PRTG: variants seen among roughly 807,000 people sequenced by gnomAD.
PRTG encodes protogenin.
A neutral mutation model predicts 122.5 loss-of-function variants in PRTG; 67 were observed. That is an observed-to-expected ratio of 0.55 (90% CI 0.45 to 0.67). PRTG has a LOEUF of 0.67. PRTG is among the 30% of genes least tolerant of loss of function. The probability of loss-of-function intolerance (pLI) is 0.00; values close to 1 mark genes in which losing one functional copy is unlikely to be tolerated. For synonymous variants in PRTG, 554 were observed against 501.1 expected (o/e 1.11, Z -1.41); for missense variants, 1,435 against 1,415.4 (o/e 1.01, Z -0.22).
chr15:55,622,564 TA>T (rs57139804), intron 18 of PRTG, among the ~76,000 whole-genome samples: 142,695 of 148,302 alleles, frequency 0.96, 68,793 homozygotes, highest in South Asian at 1. Context: ...TTTTTTTTTT[TA>T]AATTTTTAGT....
intron 4 of PRTG, among the ~76,000 whole-genome samples, chr15:55,681,057 T>A (rs1034128675): frequency 6.6e-6 from 1 of 152,184 alleles, no homozygotes; most frequent in African/African-American, 2.4e-5. Flanking sequence ...GGTTCACCCA[T>A]GTTGTTACAT....
intron 2 of PRTG, among the ~76,000 whole-genome samples, chr15:55,705,647 G>A (rs2141846122): frequency 6.6e-6 from 1 of 151,676 alleles, no homozygotes; most frequent in African/African-American, 2.4e-5. Context: ...GTAGAGTTGG[G>A]GTTTCACCAT....
intron 11 of PRTG, among the ~76,000 whole-genome samples, chr15:55,648,316 G>A (rs1351828138): frequency 6.6e-6 from 1 of 152,048 alleles, no homozygotes; most frequent in Non-Finnish European, 1.5e-5. Context: ...CAAGACAAAG[G>A]CCTATAAAAT....
intron 2 of PRTG, among the ~76,000 whole-genome samples, chr15:55,701,490 C>T (rs1354565427): frequency 4.6e-5 from 7 of 152,084 alleles, no homozygotes; most frequent in East Asian, 1.9e-4. Flanking sequence ...GCCGAGATCA[C>T]GCCACTGCAC....
intron 2 of PRTG, among the ~76,000 whole-genome samples, chr15:55,731,986 GCTACAAAC>G (rs1180645561): frequency 6.6e-6 from 1 of 152,116 alleles, no homozygotes; most frequent in Non-Finnish European, 1.5e-5. Context: ...TCGCTCCTAG[GCTACAAAC>G]CTGTGCAGCA....
chr15:55,676,912 TCAAAGTACA>T (rs2059505928), intron 8 of PRTG, among the ~76,000 whole-genome samples: 1 of 152,144 alleles, frequency 6.6e-6, no homozygotes, highest in Non-Finnish European at 1.5e-5. Flanking sequence ...AAACCCTACT[TCAAAGTACA>T]AAAAACAAAT....
At chr15:55,709,965 G>A (rs971918665) in intron 2 of PRTG, among the ~76,000 whole-genome samples, 13 of 152,128 alleles carry the variant, frequency 8.5e-5, no homozygotes, top group African/African-American at 2.7e-4. Flanking sequence ...AACAAAGTGT[G>A]CACTTCAAAT....
At chr15:55,742,306 A>T (rs2031633906) in intron 1 of PRTG, 1 of 152,484 alleles carries the variant, frequency 6.6e-6, no homozygotes, top group Non-Finnish European at 1.5e-5. Context: ...GATTGGGGTT[A>T]TGAGTTCACC....
In PRTG at chr15:55,708,799, C is replaced by CT. The variant is rs557562696; in HGVS notation, c.398-24869dup. On this transcript the variant is annotated intron_variant, in intron 2 of 19. Transcript: ENST00000389286. ...TGATTCCTACTGAGGCTGTGATATA[C>CT]TTTTTTTTAAGTCCTTAGTTATCTG... Among the ~76,000 whole-genome samples, 128 of 151,858 alleles carry CT rather than the reference C, an allele frequency of 8.4e-4. 1 individual carries two copies. Among genetic ancestry groups the CT allele is most frequent in the African/African-American group, 3.0e-3 (123 of 41,414 alleles).
At position 55,683,755 on chromosome 15, in the gene PRTG, T is replaced by C. The variant is rs756177961; in HGVS notation, c.542+32A>G. On this transcript the variant is annotated intron_variant, in intron 3 of 19. Transcript: ENST00000389286. The stretch of plus-strand genomic sequence containing the variant: ...TCATATGAAGTCTTCATTACTCCCA[T>C]ATCATCTCCAAAGACAAAAATCTAC... The C allele has an allele frequency of 8.2e-6, 13 of 1,589,274 alleles. No homozygotes were observed. The Admixed American group carries it at 1.4e-4, about 17-fold the overall frequency.
intron 11 of PRTG, among the ~76,000 whole-genome samples, chr15:55,665,201 A>G (rs943817520): frequency 2.6e-5 from 4 of 152,040 alleles, no homozygotes; most frequent in African/African-American, 9.7e-5. Flanking sequence ...TGGAGCTTGC[A>G]GTGAGCCGAG....
intron 14 of PRTG, among the ~76,000 whole-genome samples, chr15:55,637,608 A>G (rs547559171): frequency 6.6e-6 from 1 of 152,294 alleles, no homozygotes; most frequent in East Asian, 1.9e-4. Flanking sequence ...ACGTTTTGCT[A>G]AATTGCTAAC....
intron 11 of PRTG, among the ~76,000 whole-genome samples, chr15:55,664,747 C>A (rs1300614679): frequency 6.6e-6 from 1 of 151,712 alleles, no homozygotes; most frequent in Non-Finnish European, 1.5e-5. Context: ...CCACCATGCC[C>A]AGCTAACTTT....
At chr15:55,698,489 C>A (rs2059643818) in intron 2 of PRTG, among the ~76,000 whole-genome samples, 1 of 152,096 alleles carries the variant, frequency 6.6e-6, no homozygotes, top group Non-Finnish European at 1.5e-5. Context: ...CAGGGTTTCA[C>A]CATGTTGCCC....
At chr15:55,717,053 T>C (rs1273353493) in intron 2 of PRTG, among the ~76,000 whole-genome samples, 2 of 152,188 alleles carry the variant, frequency 1.3e-5, no homozygotes, top group African/African-American at 4.8e-5. Context: ...AAGGCTTAGG[T>C]TACATGACAT....
Position 55,672,414 on chromosome 15 carries a change from A to G in PRTG, c.2041+31T>C, listed in dbSNP as rs370023967. On this transcript the variant is annotated intron_variant, in intron 11 of 19. Coordinates refer to ENST00000389286, the MANE Select transcript of PRTG (RefSeq NM_173814.6). ...TCGCAGTTTGTCAGAGAGGAAGGAAAAAGGGAAAAATACAGTACAAACTCA... is the reference window on the plus strand; with the variant it reads ...TCGCAGTTTGTCAGAGAGGAAGGAAGAAGGGAAAAATACAGTACAAACTCA... 9.0e-6 allele frequency: 14 copies of G among 1,555,366 alleles called. No homozygotes were observed. The Admixed American group carries it at 2.2e-4, about 24-fold the overall frequency.
chr15:55,734,888 G>A (rs1024433948), intron 2 of PRTG, among the ~76,000 whole-genome samples: 1 of 152,168 alleles, frequency 6.6e-6, no homozygotes, highest in Non-Finnish European at 1.5e-5. Context: ...TAGAGCTGGT[G>A]AAGATAATTT....
intron 2 of PRTG, among the ~76,000 whole-genome samples, chr15:55,690,118 A>G (rs1024711509): frequency 2.4e-4 from 37 of 152,318 alleles, no homozygotes; most frequent in South Asian, 2.1e-4. Flanking sequence ...TATTGATCCC[A>G]TTGTTCTTAC....
At chr15:55,738,245 G>A (rs2414430) in intron 2 of PRTG, 42,602 of 363,518 alleles carry the variant, frequency 0.12, 3,340 homozygotes, top group East Asian at 0.32. Context: ...TATTATTAGT[G>A]ATAATTTCTA....
Sources: gnomAD v4.1 joint callset for allele counts (sites outside exome capture counted in the v4.1 genomes callset) on GRCh38, gnomAD v4.1.1 for gene constraint, MANE v1.5 for transcripts, NCBI Gene and HGNC (gene_info 2026-07-23, HGNC 2026-07-21) for gene names.